RNF135: variants seen among roughly 807,000 people sequenced by gnomAD.
RNF135 encodes the protein ring finger protein 135, also known as E3 ubiquitin-protein ligase RNF135.
RNF135 carries 46 observed loss-of-function variants against 41.9 expected under a neutral mutation model. The ratio of observed to expected loss-of-function variants is 1.10; its 90% CI spans 0.87 to 1.40. RNF135 has a LOEUF of 1.40. Among genes scored for constraint, RNF135 ranks in the 40% most tolerant of loss-of-function variants. The probability of loss-of-function intolerance (pLI) is 0.00; values close to 1 mark genes in which losing one functional copy is unlikely to be tolerated. For synonymous variants in RNF135, 238 were observed against 223.8 expected (o/e 1.06, Z -0.57); for missense variants, 539 against 549.8 (o/e 0.98, Z 0.20).
At chr17:30,995,687 G>A (rs892891960) in intron 3 of RNF135, among the ~76,000 whole-genome samples, 2 of 152,098 alleles carry the variant, frequency 1.3e-5, no homozygotes, top group African/African-American at 4.8e-5. Flanking sequence ...ATTAGTGTGT[G>A]AGAGGTTTAT....
upstream of RNF135, among the ~76,000 whole-genome samples, chr17:30,969,773 T>C (rs1490093950): frequency 4.1e-5 from 6 of 145,928 alleles, no homozygotes; most frequent in Admixed American, 1.4e-4. Flanking sequence ...TTTTTTTTTT[T>C]TTTTTTTTTG....
Position 30,971,118 on chromosome 17 carries a change from C to T in RNF135, c.45C>T (p.Ala15=), listed in dbSNP as rs1405839612. The change falls in exon 1 of 5, where the codon GCC becomes GCT. Residue 15 remains alanine (A), a synonymous_variant. Transcript: ENST00000328381. ...GLGSAVPVWL[A]EDDLGCIICQ... ...GCTCCGCCGTTCCCGTGTGGCTGGC[C>T]GAGGACGACCTCGGCTGCATCATCT... The T allele has an allele frequency of 5.2e-6, 8 of 1,534,260 alleles. No individual in the cohort carries two copies. Among genetic ancestry groups the T allele is most frequent in the Non-Finnish European group, 7.0e-6 (8 of 1,146,084 alleles).
At chr17:30,975,721 C>A (rs1053056118) in intron 1 of RNF135, 1 of 1,407,516 alleles carries the variant, frequency 7.1e-7, no homozygotes, top group Non-Finnish European at 1.0e-6. Flanking sequence ...GATTGCCCAA[C>A]ACTGCTCACC....
At chr17:30,989,428 G>A (rs768148815) in intron 3 of RNF135, among the ~76,000 whole-genome samples, 4 of 152,090 alleles carry the variant, frequency 2.6e-5, no homozygotes, top group Non-Finnish European at 5.9e-5. Flanking sequence ...TCTCTGGGGA[G>A]TGTGTTAATG....
At chr17:30,965,003 T>G in the RNF135 span, 1 of 152,152 alleles carries the variant, frequency 6.6e-6, no homozygotes. Flanking sequence ...TAAATCTAAT[T>G]TAGCATTAGA....
At position 30,971,267 on chromosome 17, in the gene RNF135, G is replaced by A. The variant is rs1403818188; in HGVS notation, c.194G>A (p.Gly65Asp). ...TGGGCCTGCCCCACTTGCCGCCAGG[G>A]CGCCGCGCAGCAGCCGCACCTGCGG... ...RRWACPTCRQ[G>D]AAQQPHLRKN... is the part of the protein sequence containing the mutation. Residue 65 changes from glycine to aspartate, a missense_variant, in exon 1 of 5, where the codon GGC becomes GAC. By Grantham distance (94) the Gly-to-Asp change is moderately conservative (BLOSUM62 -1). Around this residue, in one of 2 missense-constraint regions of RNF135, gnomAD observed 277 missense variants for 212.8 expected, o/e 1.30. Coordinates refer to ENST00000328381, the MANE Select transcript of RNF135 (RefSeq NM_032322.4). 2 of 1,524,270 alleles carry A rather than the reference G, an allele frequency of 1.3e-6. No individual in the cohort carries two copies. Among genetic ancestry groups the A allele is most frequent in the East Asian group, 2.6e-5 (1 of 38,798 alleles). 94.4% of individuals were successfully genotyped at this position (1,524,270 alleles called of 1,614,324 possible). A position where few individuals can be genotyped will look rare whatever the true frequency, so the allele number is the denominator to read the frequency against.
In RNF135 at chr17:30,983,353, A is replaced by ATTTTTTTTTTTTTTTTTT. The variant is rs1192298651; in HGVS notation, c.373-1263_373-1246dup. On this transcript the variant is annotated intron_variant, in intron 1 of 4. Coordinates refer to ENST00000328381, the MANE Select transcript of RNF135 (RefSeq NM_032322.4). ...TATATATATATATATATATATATAT[A>ATTTTTTTTTTTTTTTTTT]TTTTTTTTTTTTTTTTTTGAGATGG... Among the ~76,000 whole-genome samples, 9 of 35,734 alleles carry ATTTTTTTTTTTTTTTTTT rather than the reference A, an allele frequency of 2.5e-4. 1 individual carries two copies. The highest frequency in any genetic ancestry group is 8.2e-4 in the African/African-American group (9 of 10,972). 23.4% of individuals were successfully genotyped at this position (35,734 alleles called of 152,430 possible). A position where few individuals can be genotyped will look rare whatever the true frequency, so the allele number is the denominator to read the frequency against.
Position 30,998,880 on chromosome 17 carries a change from G to C in RNF135, c.988G>C (p.Ala330Pro), listed in dbSNP as rs1184859272. The change falls in exon 5 of 5, where the codon GCT becomes CCT. Residue 330 changes from alanine to proline, a missense_variant. Around this residue, in one of 2 missense-constraint regions of RNF135, gnomAD observed 262 missense variants for 336.9 expected, o/e 0.78. Transcript: ENST00000328381. Reference sequence around the variant, plus strand: ...TTGCAGCCACTGGGCAGTTGGGGTGGCTTCCTGGGAGATGAGCCGCGACCA... The same window carrying C: ...TTGCAGCCACTGGGCAGTTGGGGTGCCTTCCTGGGAGATGAGCCGCGACCA... ...RNCSHWAVGV[A>P]SWEMSRDQVL... 3 of 1,611,750 alleles carry C rather than the reference G, an allele frequency of 1.9e-6. No individual in the cohort carries two copies. Among genetic ancestry groups the C allele is most frequent in the Non-Finnish European group, 2.5e-6 (3 of 1,178,598 alleles).
At chr17:30,979,841 G>T (rs2142688815) in intron 1 of RNF135, among the ~76,000 whole-genome samples, 2 of 135,848 alleles carry the variant, frequency 1.5e-5, no homozygotes, top group South Asian at 4.7e-4. Context: ...GGATGGGGCG[G>T]CTGGCCAGGC....
At chr17:30,961,652 T>C in the RNF135 span, among the ~76,000 whole-genome samples, 4 of 152,046 alleles carry the variant, frequency 2.6e-5, no homozygotes, top group Non-Finnish European at 5.9e-5. Flanking sequence ...TCTGTAGAGA[T>C]GGGATTTCAT....
At chr17:30,984,503 G>C in intron 1 of RNF135, 114 bp from the exon 2 acceptor site, 1 of 1,045,888 alleles carries the variant, frequency 9.6e-7, no homozygotes, top group Admixed American at 1.8e-5. Flanking sequence ...TATTCCATCG[G>C]TCTGTATGTC....
intron 3 of RNF135, among the ~76,000 whole-genome samples, chr17:30,989,003 G>T (rs747181104): frequency 7.0e-6 from 1 of 141,962 alleles, no homozygotes; most frequent in South Asian, 2.2e-4. Flanking sequence ...TGACTGCAAG[G>T]CTCACCTCAG....
chr17:30,967,328 G>A (rs567551817), upstream of RNF135, among the ~76,000 whole-genome samples: 3 of 152,070 alleles, frequency 2.0e-5, no homozygotes, highest in East Asian at 5.8e-4. Context: ...CCGTGCCTGG[G>A]CATAAATGCA....
chr17:30,983,320 CATATATATAT>C (rs1189144519), intron 1 of RNF135, among the ~76,000 whole-genome samples: 1,349 of 37,002 alleles, frequency 0.036, 78 homozygotes, highest in African/African-American at 0.078. Context: ...CATATATGTA[CATATATATAT>C]ATATATATAT....
chr17:30,979,857 G>A (rs1190900499), intron 1 of RNF135, among the ~76,000 whole-genome samples: 1 of 136,376 alleles, frequency 7.3e-6, no homozygotes, highest in Non-Finnish European at 1.6e-5. Context: ...CAGGCGGGGG[G>A]GCTGACCCCC....
At chr17:30,980,119 G>T (rs1479801168) in intron 1 of RNF135, 2 of 142,446 alleles carry the variant, frequency 1.4e-5, no homozygotes, top group Admixed American at 6.8e-5. Flanking sequence ...GGGGCGACTG[G>T]CCGGGCAGAG....
chr17:30,985,439 G>T (rs1907518086), intron 2 of RNF135, among the ~76,000 whole-genome samples: 1 of 152,062 alleles, frequency 6.6e-6, no homozygotes, highest in South Asian at 2.1e-4. Flanking sequence ...CTCAATGCTT[G>T]CCCCATTATC....
chr17:30,993,827 T>G (rs773164650), intron 3 of RNF135: 1 of 894,922 alleles, frequency 1.1e-6, no homozygotes, highest in Non-Finnish European at 1.7e-6. Context: ...TTAATTTTTT[T>G]ATTTTGACAC....
chr17:30,987,861 A>G, intron 2 of RNF135, 83 bp from the exon 3 acceptor site: 1 of 1,312,686 alleles, frequency 7.6e-7, no homozygotes. Context: ...AAAATTATAG[A>G]TGAATAGAAA....
Sources: allele counts gnomAD v4.1 joint callset (sites outside exome capture counted in the v4.1 genomes callset), GRCh38; gene constraint gnomAD v4.1.1; regional missense constraint gnomAD v4.1.1; transcripts MANE v1.5; gene names NCBI Gene and HGNC (gene_info 2026-07-23, HGNC 2026-07-21).